The following MAP1A variants were observed in gnomAD, a reference collection of about 807,000 sequenced individuals.
MAP1A encodes the protein microtubule-associated protein 1A.
MAP1A carries 42 observed loss-of-function variants against 185.9 expected under a neutral mutation model. That is an observed-to-expected ratio of 0.23 (90% CI 0.18 to 0.29). The LOEUF (loss-of-function observed/expected upper bound fraction) is 0.29, where lower values mean the gene tolerates loss of function less well. Among genes scored for constraint, MAP1A ranks in the 10% least tolerant of loss-of-function variants. MAP1A has a pLI of 1.00. For synonymous variants in MAP1A, 1,229 were observed against 1,335.9 expected, an observed-to-expected ratio of 0.92 and a Z score of 1.74; for missense variants, 2,995 against 3,450.4, an observed-to-expected ratio of 0.87 and a Z score of 3.31.
intron 1 of MAP1A, 36 bp from the exon 2 acceptor site, chr15:43,520,605 C>T (rs1042677600): frequency 3.1e-6 from 4 of 1,293,674 alleles, no homozygotes; most frequent in African/African-American, 1.5e-5. Context: ...ATTTCTATAC[C>T]TATTCTCAAT....
rs1405393212 is a variant in MAP1A, at chr15:43,527,737, G to GATAGGGACCA, written c.6265_6266insTAGGGACCAA (p.Arg2089IlefsTer18). The GATAGGGACCA allele has an allele frequency of 1.2e-6, 2 of 1,613,386 alleles. No individual in the cohort carries two copies. Among genetic ancestry groups the GATAGGGACCA allele is most frequent in the Non-Finnish European group, 1.7e-6 (2 of 1,179,854 alleles). On this transcript the variant is annotated frameshift_variant, in exon 4 of 6. Coordinates refer to ENST00000300231, the MANE Select transcript of MAP1A (RefSeq NM_002373.6). LOFTEE classifies it high-confidence loss of function. ...ACATCCTGAGCTGCAGCCCAGATAG[G>GATAGGGACCA]AGGTCCCCATCCCCCAAGGAATCAG...
chr15:43,518,778 G>T (rs1018710009), intron 1 of MAP1A, among the ~76,000 whole-genome samples: 15 of 140,928 alleles, frequency 1.1e-4, no homozygotes, highest in African/African-American at 4.2e-4. Context: ...CCTCTCTAAA[G>T]AAAAAGGAAA....
chr15:43,517,559 C>T (rs1170395584), upstream of MAP1A: 19 of 264,360 alleles, frequency 7.2e-5, no homozygotes, highest in African/African-American at 3.2e-4. Context: ...CCCGCCCTGG[C>T]GCCGCCCTCC....
In MAP1A at chr15:43,528,425, C is replaced by T. The variant is rs778441952; in HGVS notation, c.6952C>T (p.Leu2318=). ...ACCCCCAGCTTCACTGGACTTGGCC[C>T]TAGCTCCAGCTCCAAGCCTGCCTGG... ...PAPPASLDLA[L]APAPSLPGDM... Residue 2318 remains leucine (L), a synonymous_variant, in exon 4 of 6, where the codon CTA becomes TTA. Transcript: ENST00000300231. 3.7e-6 allele frequency: 6 copies of T among 1,613,526 alleles called. No homozygotes were observed. Among genetic ancestry groups the T allele is most frequent in the Non-Finnish European group, 5.1e-6 (6 of 1,180,040 alleles).
chr15:43,529,098 T>A lies in MAP1A; in HGVS notation c.7625T>A (p.Val2542Glu). The A allele has an allele frequency of 1.2e-6, 2 of 1,613,760 alleles. No homozygotes were observed. The highest frequency in any genetic ancestry group is 1.7e-6 in the Non-Finnish European group (2 of 1,179,962). Residue 2542 changes from valine (V) to glutamate (E), a missense_variant, in exon 4 of 6, where the codon GTG becomes GAG. By Grantham distance (121) the Val-to-Glu change is moderately radical. This residue lies in a region of MAP1A where 2,728 missense variants were observed against 2,986.0 expected (regional missense o/e 0.91). Coordinates refer to ENST00000300231, the MANE Select transcript of MAP1A (RefSeq NM_002373.6). This position sits in a 1 kb window ranked among gnomAD's most constrained non-coding sequence, Gnocchi z 4.3. The part of the protein sequence containing the change: ...DSDEDGDFLP[V>E]DKAGGVSGTH... ...GATGAAGATGGAGACTTCCTACCTG[T>A]GGACAAAGCTGGGGGTGTCAGTGGT...
At position 43,530,368 on chromosome 15, in the gene MAP1A, A is replaced by T. The variant is rs2079367064; in HGVS notation, c.*144A>T. ...GTTGTGGGGACTTGGGCTGGGCTAA[A>T]TGGGAGGGGTTGTCCCTCCCCATCA... On this transcript the variant is annotated 3_prime_UTR_variant, in exon 6 of 6. Coordinates refer to ENST00000300231, the MANE Select transcript of MAP1A (RefSeq NM_002373.6). 3.0e-6 allele frequency: 3 copies of T among 1,012,062 alleles called. No homozygotes were observed. The South Asian group carries it at 4.9e-5, about 17-fold the overall frequency. The allele number at this position is 1,012,062 out of a possible 1,614,324, so 62.7% of individuals were successfully genotyped here. A position where few individuals can be genotyped will look rare whatever the true frequency, so the allele number is the denominator to read the frequency against.
rs764378996 is a variant in MAP1A, at chr15:43,521,375, G to A, written c.-99G>A. On this transcript the variant is annotated 5_prime_UTR_variant, in exon 4 of 6. It adds an upstream start codon to the 5' untranslated region. Transcript: ENST00000300231. This position sits in a 1 kb window ranked among gnomAD's most constrained non-coding sequence, Gnocchi z 4.6. ...CCCTGGGATACAGGCCTTCCTTACCGTGTCCTGCTTAGGGGAAGGTGATTG... is the reference window on the plus strand; with the variant it reads ...CCCTGGGATACAGGCCTTCCTTACCATGTCCTGCTTAGGGGAAGGTGATTG... 3 of 1,613,454 alleles carry A rather than the reference G, an allele frequency of 1.9e-6. No homozygotes were observed. Among genetic ancestry groups the A allele is most frequent in the African/African-American group, 2.7e-5 (2 of 74,872 alleles).
Position 43,523,465 on chromosome 15 carries a change from A to G in MAP1A, c.1992A>G (p.Val664=), listed in dbSNP as rs1353969758. 1 of 1,613,890 alleles carries G rather than the reference A, an allele frequency of 6.2e-7. No homozygotes were observed. Among genetic ancestry groups the G allele is most frequent in the Non-Finnish European group, 8.5e-7 (1 of 1,179,974 alleles). Residue 664 remains valine, a synonymous_variant, in exon 4 of 6, where the codon GTA becomes GTG. Coordinates refer to ENST00000300231, the MANE Select transcript of MAP1A (RefSeq NM_002373.6). ...CTGAGTTAGAAGAAATGGAGGAGGT[A>G]CACCCTTCAGATGAGGAGGAAGAGG... The part of the protein sequence containing the change: ...EKAELEEMEE[V]HPSDEEEEDA...
In MAP1A at chr15:43,526,476, C is replaced by T. The variant is rs751198547; in HGVS notation, c.5003C>T (p.Ala1668Val). The change falls in exon 4 of 6, where the codon GCC becomes GTC. Residue 1668 changes from alanine (A) to valine (V), a missense_variant. Coordinates refer to ENST00000300231, the MANE Select transcript of MAP1A (RefSeq NM_002373.6). The surrounding 1 kb of genome is among the most constrained non-coding windows in gnomAD (Gnocchi z 4.7). ...EEPAGEQKELAPAWEDTSPEQ... is the reference protein window; with the variant it reads ...EEPAGEQKELVPAWEDTSPEQ... The stretch of plus-strand genomic sequence containing the variant: ...CCGGCTGGAGAACAGAAAGAGCTTG[C>T]CCCGGCATGGGAGGACACATCTCCT... The T allele has an allele frequency of 8.7e-6, 14 of 1,614,070 alleles. No individual in the cohort carries two copies. In the South Asian group the frequency reaches 1.3e-4, roughly 15 times the overall value.
Position 43,523,878 on chromosome 15 carries a change from A to G in MAP1A, c.2405A>G (p.Tyr802Cys), listed in dbSNP as rs774789083. ...SAVPATSGKV[Y>C]GTPETELTYP... ...GTTCCTGCTACCTCTGGCAAAGTCTATGGAACGCCAGAGACTGAACTCACC... is the reference window on the plus strand; with the variant it reads ...GTTCCTGCTACCTCTGGCAAAGTCTGTGGAACGCCAGAGACTGAACTCACC... Residue 802 changes from tyrosine to cysteine, a missense_variant, in exon 4 of 6, where the codon TAT (tyrosine) becomes TGT (cysteine). By Grantham distance (194) the Tyr-to-Cys change is radical (BLOSUM62 -2). Coordinates refer to ENST00000300231, the MANE Select transcript of MAP1A (RefSeq NM_002373.6). 1 of 1,614,180 alleles carries G rather than the reference A, an allele frequency of 6.2e-7. No homozygotes were observed. The highest frequency in any genetic ancestry group is 8.5e-7 in the Non-Finnish European group (1 of 1,180,018).
rs377017055 is a variant in MAP1A at position 43,527,077 on chromosome 15, G to A, written c.5604G>A (p.Pro1868=). ...SPAPGPPTPA[P]ESHTPAPFSW... Reference sequence around the variant, plus strand: ...CTCCTGGTCCCCCCACACCTGCCCCGGAATCCCATACTCCTGCACCCTTCT... The same window carrying A: ...CTCCTGGTCCCCCCACACCTGCCCCAGAATCCCATACTCCTGCACCCTTCT... The change falls in exon 4 of 6, where the codon CCG becomes CCA. Residue 1868 remains proline (P), a synonymous_variant. Coordinates refer to ENST00000300231, the MANE Select transcript of MAP1A (RefSeq NM_002373.6). The A allele has an allele frequency of 1.5e-5, 21 of 1,420,214 alleles. No individual in the cohort carries two copies. Among genetic ancestry groups the A allele is most frequent in the Middle Eastern group, 2.1e-4 (1 of 4,878 alleles). The allele number at this position is 1,420,214 out of a possible 1,614,324, so 88.0% of individuals were successfully genotyped here. A position where few individuals can be genotyped will look rare whatever the true frequency, so the allele number is the denominator to read the frequency against.
Position 43,526,154 on chromosome 15 carries a change from A to G in MAP1A, c.4681A>G (p.Lys1561Glu), listed in dbSNP as rs1000015402. 6 of 1,613,826 alleles carry G rather than the reference A, an allele frequency of 3.7e-6. No homozygotes were observed. The Admixed American group carries it at 5.0e-5, about 13-fold the overall frequency. The change falls in exon 4 of 6, where the codon AAG becomes GAG. Residue 1561 changes from lysine to glutamate, a missense_variant. Transcript: ENST00000300231. This position sits in a 1 kb window ranked among gnomAD's most constrained non-coding sequence, Gnocchi z 4.7. Reference protein sequence around the residue: ...LEQKYWALGQKDEALEQNIQA... With the variant: ...LEQKYWALGQEDEALEQNIQA... ...ACAAAAATACTGGGCTTTGGGACAGAAGGATGAAGCCCTGGAACAAAACAT... is the reference window on the plus strand; with the variant it reads ...ACAAAAATACTGGGCTTTGGGACAGGAGGATGAAGCCCTGGAACAAAACAT...
chr15:43,527,593 A>G lies in MAP1A; in HGVS notation c.6120A>G (p.Gly2040=). 2 of 1,614,034 alleles carry G rather than the reference A, an allele frequency of 1.2e-6. No individual in the cohort carries two copies. Among genetic ancestry groups the G allele is most frequent in the South Asian group, 1.1e-5 (1 of 91,086 alleles). ...CCTTCAGCTATGCAGCCCTGGCAGG[A>G]CCCACTGTACCCCCAAGGCCAGAGC... ...TPTFSYAALA[G]PTVPPRPEPG... is the part of the protein sequence containing the mutation. The change falls in exon 4 of 6, where the codon GGA becomes GGG. Residue 2040 remains glycine (G), a synonymous_variant. Coordinates refer to ENST00000300231, the MANE Select transcript of MAP1A (RefSeq NM_002373.6).
rs1363170004 is a variant in MAP1A, at chr15:43,530,608, CTATT to C, written c.*390_*393del. ...ACTCCAGGGACCTCTTTATCTCAATCTATTTATTTGGCATCCTGGGAGGGATTTC... is the reference window on the plus strand; with the variant it reads ...ACTCCAGGGACCTCTTTATCTCAATCTATTTGGCATCCTGGGAGGGATTTC... On this transcript the variant is annotated 3_prime_UTR_variant, in exon 6 of 6. Coordinates refer to ENST00000300231, the MANE Select transcript of MAP1A (RefSeq NM_002373.6). 1.6e-5 allele frequency: 3 copies of C among 183,296 alleles called. No homozygotes were observed. Among genetic ancestry groups the C allele is most frequent in the South Asian group, 2.6e-4 (2 of 7,610 alleles). The allele number at this position is 183,296 out of a possible 1,614,324, so 11.4% of individuals were successfully genotyped here. A position where few individuals can be genotyped will look rare whatever the true frequency, so the allele number is the denominator to read the frequency against.
In MAP1A at chr15:43,529,233, C is replaced by T. The variant is rs565265031; in HGVS notation, c.7760C>T (p.Ser2587Leu). The T allele has an allele frequency of 6.2e-7, 1 of 1,611,592 alleles. No individual in the cohort carries two copies. The highest frequency in any genetic ancestry group is 8.5e-7 in the Non-Finnish European group (1 of 1,178,776). ...VCMADPEGLS[S>L]ESGRVERLRE... Reference sequence around the variant, plus strand: ...ATGGCTGACCCCGAGGGGCTCAGCTCAGAGTCTGGGAGAGTAGAGAGGCTA... The same window carrying T: ...ATGGCTGACCCCGAGGGGCTCAGCTTAGAGTCTGGGAGAGTAGAGAGGCTA... Residue 2587 changes from serine (S) to leucine (L), a missense_variant, in exon 4 of 6, where the codon TCA becomes TTA. By Grantham distance (145) the Ser-to-Leu change is moderately radical (BLOSUM62 -2). This residue lies in a region of MAP1A where 2,728 missense variants were observed against 2,986.0 expected (regional missense o/e 0.91). Transcript: ENST00000300231. This position sits in a 1 kb window ranked among gnomAD's most constrained non-coding sequence, Gnocchi z 4.3.
Position 43,527,128 on chromosome 15 carries a change from T to C in MAP1A, c.5655T>C (p.Ser1885=). ...CTTGGGGCACAGCCGAGTATGACAGTGTGGTGGCTGCAGTGCAGGAGGGGG... is the reference window on the plus strand; with the variant it reads ...CTTGGGGCACAGCCGAGTATGACAGCGTGGTGGCTGCAGTGCAGGAGGGGG... The part of the protein sequence containing the change: ...PFSWGTAEYD[S]VVAAVQEGAA... Residue 1885 remains serine, a synonymous_variant, in exon 4 of 6, where the codon AGT becomes AGC. Transcript: ENST00000300231. 1.2e-6 allele frequency: 2 copies of C among 1,608,164 alleles called. No homozygotes were observed. Among genetic ancestry groups the C allele is most frequent in the South Asian group, 1.1e-5 (1 of 90,124 alleles).
rs1386966845 is a variant in MAP1A, at chr15:43,529,630, A to G, written c.8036-20A>G. ...GGGTTCTACTTTTCCTCTACAATGA[A>G]TCCTGGCTTGTCTCTACAGTGGCCT... On this transcript the variant is annotated intron_variant, in intron 4 of 5. Coordinates refer to ENST00000300231, the MANE Select transcript of MAP1A (RefSeq NM_002373.6). This position sits in a 1 kb window ranked among gnomAD's most constrained non-coding sequence, Gnocchi z 4.3. 1 of 1,613,014 alleles carries G rather than the reference A, an allele frequency of 6.2e-7. No homozygotes were observed. Among genetic ancestry groups the G allele is most frequent in the Admixed American group, 1.7e-5 (1 of 60,022 alleles).
exon 1 of MAP1A, chr15:43,511,017 C>T (rs1178127346): frequency 6.5e-7 from 1 of 1,547,094 alleles, no homozygotes; most frequent in Non-Finnish European, 8.7e-7. Flanking sequence ...CCTGCGCGGC[C>T]TCACGGCGTT....
rs1430989772 is a variant in MAP1A at position 43,529,417 on chromosome 15, C to T, written c.7944C>T (p.Arg2648=). The T allele has an allele frequency of 1.2e-6, 2 of 1,613,800 alleles. No individual in the cohort carries two copies. The highest frequency in any genetic ancestry group is 8.5e-7 in the Non-Finnish European group (1 of 1,180,012). ...CATCCCGGGCCCCACCTCGACCACG[C>T]AGCACCACAAGCCAGGTCACCCCAG... ...DRASRAPPRP[R]STTSQVTPAE... The change falls in exon 4 of 6, where the codon CGC becomes CGT. Residue 2648 remains arginine, a synonymous_variant. Coordinates refer to ENST00000300231, the MANE Select transcript of MAP1A (RefSeq NM_002373.6). The surrounding 1 kb of genome is among the most constrained non-coding windows in gnomAD (Gnocchi z 4.3).
Sources: gnomAD v4.1 joint callset for allele counts (sites outside exome capture counted in the v4.1 genomes callset) on GRCh38, gnomAD v4.1.1 for gene constraint, gnomAD v4.1.1 regional missense constraint, Gnocchi (gnomAD v3.1) non-coding constraint, MANE v1.5 for transcripts, NCBI Gene and HGNC (gene_info 2026-07-23, HGNC 2026-07-21) for gene names.